SKAP1: variants seen among roughly 807,000 people sequenced by gnomAD.
SKAP1 encodes the protein src kinase associated phosphoprotein 1, also known as src kinase-associated phosphoprotein 1.
A neutral mutation model predicts 58.5 loss-of-function variants in SKAP1; 44 were observed. That is an observed-to-expected ratio of 0.75 (90% CI 0.59 to 0.97). The LOEUF (loss-of-function observed/expected upper bound fraction) is 0.97, where lower values mean the gene tolerates loss of function less well. Among genes scored for constraint, SKAP1 ranks in the 50% least tolerant of loss-of-function variants. The pLI, the probability that SKAP1 is intolerant of heterozygous loss-of-function variation, is 0.00. For synonymous variants in SKAP1, 127 were observed against 149.7 expected (o/e 0.85, Z 1.11); for missense variants, 390 against 435.2 (o/e 0.90, Z 0.92).
intron 4 of SKAP1, among the ~76,000 whole-genome samples, chr17:48,210,271 C>T (rs575077186): frequency 1.3e-5 from 2 of 152,174 alleles, no homozygotes; most frequent in Non-Finnish European, 2.9e-5. Context: ...GGCTGCACAT[C>T]GGAATCACCT....
chr17:48,417,307 A>G (rs2067743724), intron 1 of SKAP1, among the ~76,000 whole-genome samples: 2 of 152,210 alleles, frequency 1.3e-5, no homozygotes, highest in Non-Finnish European at 2.9e-5. Flanking sequence ...ATACCTATAT[A>G]CTCACAACAC....
At chr17:48,363,229 G>A (rs2066958469) in intron 3 of SKAP1, among the ~76,000 whole-genome samples, 1 of 152,092 alleles carries the variant, frequency 6.6e-6, no homozygotes, top group Admixed American at 6.5e-5. Context: ...AGCAAAAGCA[G>A]GAAAACAATG....
chr17:48,426,156 T>A (rs1423579224), intron 1 of SKAP1, among the ~76,000 whole-genome samples: 1 of 152,250 alleles, frequency 6.6e-6, no homozygotes, highest in Admixed American at 6.5e-5. Flanking sequence ...TATGATTGAC[T>A]GCATTGACTA....
At chr17:48,226,292 A>C (rs1327501984) in intron 4 of SKAP1, among the ~76,000 whole-genome samples, 1 of 152,158 alleles carries the variant, frequency 6.6e-6, no homozygotes, top group Non-Finnish European at 1.5e-5. Flanking sequence ...GAAGGGAGTT[A>C]TGTATAAAGC....
chr17:48,322,828 G>A (rs2066386285), intron 4 of SKAP1, among the ~76,000 whole-genome samples: 1 of 152,226 alleles, frequency 6.6e-6, no homozygotes. Flanking sequence ...GGGCGTGGCG[G>A]CTCACGCCTG....
intron 2 of SKAP1, among the ~76,000 whole-genome samples, chr17:48,386,306 C>CT (rs201047932): frequency 0.042 from 5,303 of 127,264 alleles, 355 homozygotes; most frequent in African/African-American, 0.13. Context: ...CATGCTAGAC[C>CT]TTTTTTTTTT....
At chr17:48,208,334 C>G (rs931640408) in intron 4 of SKAP1, among the ~76,000 whole-genome samples, 1 of 152,162 alleles carries the variant, frequency 6.6e-6, no homozygotes, top group Non-Finnish European at 1.5e-5. Context: ...CCTGTGAGCA[C>G]CGGGGAAAGG....
chr17:48,360,223 T>A (rs1034353849), intron 3 of SKAP1, among the ~76,000 whole-genome samples: 1 of 152,162 alleles, frequency 6.6e-6, no homozygotes, highest in African/African-American at 2.4e-5. Context: ...TTGTTTTAGA[T>A]TCTGGGTCTA....
In SKAP1 at chr17:48,224,076, GGAGGAGGAGGAA is replaced by G. The variant is rs1359800511; in HGVS notation, c.281-34588_281-34577del. Among the ~76,000 whole-genome samples, 318 of 73,706 alleles carry G rather than the reference GGAGGAGGAGGAA, an allele frequency of 4.3e-3. 32 individuals carry two copies. Among genetic ancestry groups the G allele is most frequent in the African/African-American group, 9.2e-3 (174 of 18,980 alleles). The allele number at this position is 73,706 out of a possible 152,430, so 48.4% of individuals were successfully genotyped here. ...AGGAGGAGGAGGAGGAGAAGGAGGA[GGAGGAGGAGGAA>G]GAGGAGGAGGAGGAGGAGGAGGAGG... On this transcript the variant is annotated intron_variant, in intron 4 of 12. Coordinates refer to ENST00000336915, the MANE Select transcript of SKAP1 (RefSeq NM_003726.4).
At chr17:48,355,682 C>A (rs1198768570) in intron 3 of SKAP1, among the ~76,000 whole-genome samples, 2 of 152,084 alleles carry the variant, frequency 1.3e-5, no homozygotes, top group Non-Finnish European at 2.9e-5. Flanking sequence ...CAAAAATTAG[C>A]CGGGCATGGT....
chr17:48,240,345 G>A (rs956075373), intron 4 of SKAP1, among the ~76,000 whole-genome samples: 1 of 152,128 alleles, frequency 6.6e-6, no homozygotes, highest in Non-Finnish European at 1.5e-5. Context: ...GGACCCAAAT[G>A]TCTCTCTGTA....
chr17:48,187,752 G>A, intron 6 of SKAP1, 91 bp downstream of exon 6: 2 of 838,616 alleles, frequency 2.4e-6, no homozygotes, highest in South Asian at 1.6e-5. Flanking sequence ...TGTTAGTTAA[G>A]GACTGCTATC....
intron 4 of SKAP1, among the ~76,000 whole-genome samples, chr17:48,315,226 G>T (rs760687355): frequency 6.6e-6 from 1 of 152,176 alleles, no homozygotes; most frequent in Non-Finnish European, 1.5e-5. Flanking sequence ...GGATAGAAAT[G>T]CTGGAACATT....
intron 4 of SKAP1, among the ~76,000 whole-genome samples, chr17:48,255,289 C>T (rs924404930): frequency 6.6e-6 from 1 of 151,970 alleles, no homozygotes; most frequent in Non-Finnish European, 1.5e-5. Context: ...TGTTTGCACT[C>T]ATTAAAGGTG....
At chr17:48,344,859 T>G (rs1164951633) in intron 4 of SKAP1, among the ~76,000 whole-genome samples, 4 of 151,996 alleles carry the variant, frequency 2.6e-5, no homozygotes, top group African/African-American at 9.7e-5. Context: ...GAAATAACAA[T>G]CAATGGATAA....
chr17:48,150,775 A>G (rs934575779), intron 11 of SKAP1, among the ~76,000 whole-genome samples: 1 of 152,224 alleles, frequency 6.6e-6, no homozygotes, highest in Non-Finnish European at 1.5e-5. Context: ...TGTACACGAC[A>G]ACGGGTATTT....
chr17:48,430,991 A>G (rs2067910850), upstream of SKAP1, among the ~76,000 whole-genome samples: 1 of 152,194 alleles, frequency 6.6e-6, no homozygotes, highest in African/African-American at 2.4e-5. Flanking sequence ...CCCTTGGGGG[A>G]AACTGGGTAA....
intron 1 of SKAP1, among the ~76,000 whole-genome samples, chr17:48,406,978 G>A (rs2067594881): frequency 6.6e-6 from 1 of 152,124 alleles, no homozygotes; most frequent in South Asian, 2.1e-4. Flanking sequence ...CTGCAGGCAT[G>A]AGCCATCGTG....
At chr17:48,255,505 A>T (rs551943663) in intron 4 of SKAP1, among the ~76,000 whole-genome samples, 1 of 151,866 alleles carries the variant, frequency 6.6e-6, no homozygotes, top group South Asian at 2.1e-4. Flanking sequence ...AATATAATAG[A>T]TTTTTAAAAA....
Sources: allele counts gnomAD v4.1 joint callset (sites outside exome capture counted in the v4.1 genomes callset), GRCh38; gene constraint gnomAD v4.1.1; transcripts MANE v1.5; gene names NCBI Gene and HGNC (gene_info 2026-07-23, HGNC 2026-07-21).